The following F2 variants were observed in gnomAD, a reference collection of about 807,000 sequenced individuals.
F2 encodes the protein prothrombin.
A neutral mutation model predicts 81.9 loss-of-function variants in F2; 34 were observed. The observed-to-expected ratio is 0.42, with a 90% CI of 0.32 to 0.55. The LOEUF is 0.55. Ranked by LOEUF, F2 falls within the 20% of genes least tolerant of loss-of-function variation. The pLI is 0.18. For synonymous variants in F2, 296 were observed against 326.4 expected (o/e 0.91, Z 1.01); for missense variants, 630 against 833.4 (o/e 0.76, Z 3.00).
At position 46,723,999 on chromosome 11, in the gene F2, G is replaced by A. The variant is rs966948400; in HGVS notation, c.559+481G>A. 3.9e-5 allele frequency among the ~76,000 whole-genome samples: 6 copies of A among 152,110 alleles called. No homozygotes were observed. Among genetic ancestry groups the A allele is most frequent in the Admixed American group, 2.0e-4 (3 of 15,250 alleles). On this transcript the variant is annotated intron_variant, in intron 6 of 13. Coordinates refer to ENST00000311907, the MANE Select transcript of F2 (RefSeq NM_000506.5). This position sits in a 1 kb window ranked among gnomAD's most constrained non-coding sequence, Gnocchi z 5.6. ...AGGGAATCAGGGGATCTGAGTGGGG[G>A]GATCTGCCAGCCTCCTCCTCCCCCT...
intron 3 of F2, 65 bp from the exon 4 acceptor site, chr11:46,720,725 A>C (rs1592408451): frequency 6.3e-7 from 1 of 1,586,472 alleles, no homozygotes; most frequent in Non-Finnish European, 8.7e-7. Context: ...CATCCCATCC[A>C]CCCTGACTCC....
rs751675080 is a variant in F2, at chr11:46,726,207, G to A, written c.874+34G>A. On this transcript the variant is annotated intron_variant, in intron 7 of 13. Transcript: ENST00000311907. The surrounding 1 kb of genome is among the most constrained non-coding windows in gnomAD (Gnocchi z 5.9). ...CCTGGGTAGGGGGCCTGAGTTGCAG[G>A]GACAAATCCTGGTGGGAATAACAAC... 3 of 1,609,240 alleles carry A rather than the reference G, an allele frequency of 1.9e-6. No homozygotes were observed. Among genetic ancestry groups the A allele is most frequent in the Non-Finnish European group, 1.7e-6 (2 of 1,178,980 alleles).
rs1188383936 is a variant in F2, at chr11:46,725,976, C to T, written c.677C>T (p.Ala226Val). ...GGGCAGCAGTACCAGGGGCGCCTGGCGGTGACCACACATGGGCTCCCCTGC... is the reference window on the plus strand; with the variant it reads ...GGGCAGCAGTACCAGGGGCGCCTGGTGGTGACCACACATGGGCTCCCCTGC... The part of the protein sequence containing the change: ...DRGQQYQGRL[A>V]VTTHGLPCLA... The change falls in exon 7 of 14, where the codon GCG (alanine) becomes GTG (valine). Residue 226 changes from alanine to valine, a missense_variant. Transcript: ENST00000311907. 9 of 1,613,930 alleles carry T rather than the reference C, an allele frequency of 5.6e-6. No individual in the cohort carries two copies. The highest frequency in any genetic ancestry group is 1.7e-5 in the Admixed American group (1 of 60,020).
At position 46,726,427 on chromosome 11, in the gene F2, A is replaced by T. The variant is rs2064873307; in HGVS notation, c.875-71A>T. On this transcript the variant is annotated intron_variant, in intron 7 of 13. Transcript: ENST00000311907. This position sits in a 1 kb window ranked among gnomAD's most constrained non-coding sequence, Gnocchi z 5.9. The stretch of plus-strand genomic sequence containing the variant: ...AAATGGCCTCCAAGGCCCGTAGGGG[A>T]ATTGGGGGGATCTAGGGGATGGGTG... The T allele has an allele frequency of 1.3e-6, 2 of 1,573,936 alleles. No individual in the cohort carries two copies. Among genetic ancestry groups the T allele is most frequent in the African/African-American group, 1.4e-5 (1 of 73,930 alleles).
chr11:46,720,726 C>A, intron 3 of F2, 64 bp from the exon 4 acceptor site: 2 of 1,588,434 alleles, frequency 1.3e-6, no homozygotes. Flanking sequence ...ATCCCATCCA[C>A]CCTGACTCCA....
intron 4 of F2, among the ~76,000 whole-genome samples, chr11:46,722,432 C>T (rs2064842891): frequency 6.6e-6 from 1 of 151,838 alleles, no homozygotes; most frequent in Non-Finnish European, 1.5e-5. Flanking sequence ...ACTAAAAATA[C>T]AAAAATTAGC....
In F2 at chr11:46,725,971, C is replaced by T. The variant is rs141553765; in HGVS notation, c.672C>T (p.Arg224=). ...VPDRGQQYQG[R]LAVTTHGLPC... Reference sequence around the variant, plus strand: ...ATCGGGGGCAGCAGTACCAGGGGCGCCTGGCGGTGACCACACATGGGCTCC... The same window carrying T: ...ATCGGGGGCAGCAGTACCAGGGGCGTCTGGCGGTGACCACACATGGGCTCC... The change falls in exon 7 of 14, where the codon CGC becomes CGT. Residue 224 remains arginine, a synonymous_variant. Transcript: ENST00000311907. 3 of 1,613,944 alleles carry T rather than the reference C, an allele frequency of 1.9e-6. No individual in the cohort carries two copies. The highest frequency in any genetic ancestry group is 2.7e-5 in the African/African-American group (2 of 75,058).
At chr11:46,721,682 C>T (rs3136520) in intron 4 of F2, among the ~76,000 whole-genome samples, 3,561 of 152,188 alleles carry the variant, frequency 0.023, 80 homozygotes, top group South Asian at 0.12. Context: ...ACCTTTAGCA[C>T]GACAAAAATG....
rs906370829 is a variant in F2 at position 46,726,651 on chromosome 11, A to C, written c.1003+25A>C. ...GGTGAGGTAGTGGGCATCCGAGGGG[A>C]TGCGGGGCTGCGGGGCTGGTGGCCA... On this transcript the variant is annotated intron_variant, in intron 8 of 13. Transcript: ENST00000311907. The surrounding 1 kb of genome is among the most constrained non-coding windows in gnomAD (Gnocchi z 5.9). 5.6e-6 allele frequency: 9 copies of C among 1,613,538 alleles called. No homozygotes were observed. The highest frequency in any genetic ancestry group is 6.8e-6 in the Non-Finnish European group (8 of 1,179,464).
In F2 at chr11:46,723,497, G is replaced by A; in HGVS notation, c.538G>A (p.Glu180Lys). Residue 180 changes from glutamate to lysine, a missense_variant, in exon 6 of 14, where the codon GAA (glutamate) becomes AAA (lysine). Physicochemically the swap from Glu to Lys is moderately conservative, Grantham distance 56. Coordinates refer to ENST00000311907, the MANE Select transcript of F2 (RefSeq NM_000506.5). The surrounding 1 kb of genome is among the most constrained non-coding windows in gnomAD (Gnocchi z 5.6). Reference protein sequence around the residue: ...YTTDPTVRRQECSIPVCGQDQ... With the variant: ...YTTDPTVRRQKCSIPVCGQDQ... ...TACAGACCCCACCGTGAGGAGGCAG[G>A]AATGCAGCATCCCTGTCTGTGGTAA... 2 of 1,613,724 alleles carry A rather than the reference G, an allele frequency of 1.2e-6. No homozygotes were observed. The highest frequency in any genetic ancestry group is 1.3e-5 in the African/African-American group (1 of 75,056).
chr11:46,725,218 G>A (rs958488078), intron 6 of F2, among the ~76,000 whole-genome samples: 2 of 151,332 alleles, frequency 1.3e-5, no homozygotes, highest in African/African-American at 2.4e-5. Flanking sequence ...ACAGGCACAC[G>A]CCACCACGCC....
chr11:46,732,684 C>A (rs1018105009), intron 12 of F2, among the ~76,000 whole-genome samples: 1 of 152,182 alleles, frequency 6.6e-6, no homozygotes, highest in Admixed American at 6.5e-5. Context: ...TAGGCGTGAG[C>A]TCTACCGTGC....
Position 46,728,656 on chromosome 11 carries a change from C to T in F2, c.1299-8C>T. The T allele has an allele frequency of 6.2e-7, 1 of 1,614,126 alleles. No individual in the cohort carries two copies. The highest frequency in any genetic ancestry group is 1.7e-4 in the Middle Eastern group (1 of 6,056). ...AGCTTCTCCATTTCTTTCTTGGGGT[C>T]TCTGCAGGTACGAGCGAAACATTGA... On this transcript the variant is annotated splice_polypyrimidine_tract_variant and splice_region_variant and intron_variant, in intron 10 of 13. Transcript: ENST00000311907. This position sits in a 1 kb window ranked among gnomAD's most constrained non-coding sequence, Gnocchi z 5.1.
intron 4 of F2, 142 bp downstream of exon 4, chr11:46,720,982 G>A: frequency 1.2e-6 from 1 of 814,366 alleles, no homozygotes; most frequent in East Asian, 2.5e-5. Context: ...GGGTCAAGAT[G>A]TCTCTTTGTA....
rs904925866 is a variant in F2 at position 46,728,915 on chromosome 11, A to G, written c.1472+78A>G. 3.4e-5 allele frequency: 51 copies of G among 1,521,806 alleles called. No homozygotes were observed. The highest frequency in any genetic ancestry group is 4.3e-5 in the Non-Finnish European group (47 of 1,103,660). The allele number at this position is 1,521,806 out of a possible 1,614,324, so 94.3% of individuals were successfully genotyped here. ...GGCTCTGATACCAAGTAGCCTTGCA[A>G]GAGCCCCTTTCCCTTTTCCAGGCCT... On this transcript the variant is annotated intron_variant, in intron 11 of 13. Coordinates refer to ENST00000311907, the MANE Select transcript of F2 (RefSeq NM_000506.5). The surrounding 1 kb of genome is among the most constrained non-coding windows in gnomAD (Gnocchi z 5.1).
At chr11:46,735,649 G>A (rs1340051256) in intron 12 of F2, among the ~76,000 whole-genome samples, 1 of 149,916 alleles carries the variant, frequency 6.7e-6, no homozygotes, top group Non-Finnish European at 1.5e-5. Context: ...TCGGCTGGGC[G>A]CGGTGGCTCA....
Position 46,719,292 on chromosome 11 carries a change from T to G in F2, c.57T>G (p.Cys19Trp). 2 of 1,613,496 alleles carry G rather than the reference T, an allele frequency of 1.2e-6. No individual in the cohort carries two copies. Among genetic ancestry groups the G allele is most frequent in the Non-Finnish European group, 1.7e-6 (2 of 1,179,962 alleles). Reference sequence around the variant, plus strand: ...GCTGCCTGGCCCTGGCTGCCCTGTGTAGCCTTGTGCACAGCCAGCATGGTA... The same window carrying G: ...GCTGCCTGGCCCTGGCTGCCCTGTGGAGCCTTGTGCACAGCCAGCATGGTA... ...LPGCLALAALCSLVHSQHVFL... is the reference protein window; with the variant it reads ...LPGCLALAALWSLVHSQHVFL... The change falls in exon 1 of 14, where the codon TGT becomes TGG. Residue 19 changes from cysteine (C) to tryptophan (W), a missense_variant. Coordinates refer to ENST00000311907, the MANE Select transcript of F2 (RefSeq NM_000506.5). The surrounding 1 kb of genome is among the most constrained non-coding windows in gnomAD (Gnocchi z 4.7).
intron 12 of F2, among the ~76,000 whole-genome samples, chr11:46,737,802 C>T (rs371054003): frequency 1.3e-4 from 19 of 150,852 alleles, no homozygotes; most frequent in African/African-American, 3.9e-4. Context: ...AGTTTGCTTA[C>T]GTTTTTGTCT....
chr11:46,725,979 T>A lies in F2; in HGVS notation c.680T>A (p.Val227Glu). ...CAGCAGTACCAGGGGCGCCTGGCGG[T>A]GACCACACATGGGCTCCCCTGCCTG... ...RGQQYQGRLA[V>E]TTHGLPCLAW... is the part of the protein sequence containing the mutation. Residue 227 changes from valine to glutamate, a missense_variant, in exon 7 of 14, where the codon GTG becomes GAG. By Grantham distance (121) the Val-to-Glu change is moderately radical. Coordinates refer to ENST00000311907, the MANE Select transcript of F2 (RefSeq NM_000506.5). 2.5e-6 allele frequency: 4 copies of A among 1,613,868 alleles called. No individual in the cohort carries two copies. The highest frequency in any genetic ancestry group is 3.4e-6 in the Non-Finnish European group (4 of 1,179,976).
Sources: allele counts gnomAD v4.1 joint callset (sites outside exome capture counted in the v4.1 genomes callset), GRCh38; gene constraint gnomAD v4.1.1; non-coding constraint Gnocchi (gnomAD v3.1); transcripts MANE v1.5; gene names NCBI Gene and HGNC (gene_info 2026-07-23, HGNC 2026-07-21).